CDC42EP3: variants seen among roughly 807,000 people sequenced by gnomAD.
CDC42EP3 encodes the protein CDC42 effector protein (Rho GTPase binding) 3.
CDC42EP3 carries 4 observed loss-of-function variants against 15.5 expected under a neutral mutation model. That is an observed-to-expected ratio of 0.26 (90% confidence interval 0.13 to 0.59). The LOEUF is 0.59. CDC42EP3 is among the 20% of genes least tolerant of loss of function. The pLI, the probability that CDC42EP3 is intolerant of heterozygous loss-of-function variation, is 0.89. For synonymous variants in CDC42EP3, 145 were observed against 130.3 expected, an observed-to-expected ratio of 1.11 and a Z score of -0.77; for missense variants, 309 against 311.2, an observed-to-expected ratio of 0.99 and a Z score of 0.05.
chr2:37,664,544 G>A (rs1288287139), intron 1 of CDC42EP3, among the ~76,000 whole-genome samples: 3 of 151,572 alleles, frequency 2.0e-5, no homozygotes, highest in African/African-American at 4.9e-5. Context: ...TCCCTCTAGA[G>A]AACCCTGACT....
chr2:37,663,105 T>C (rs934924752), intron 1 of CDC42EP3, among the ~76,000 whole-genome samples: 1 of 152,136 alleles, frequency 6.6e-6, no homozygotes, highest in African/African-American at 2.4e-5. Context: ...GCAGAGGTTG[T>C]AGTAAGCCAA....
chr2:37,651,979 T>G (rs7576237), intron 1 of CDC42EP3, among the ~76,000 whole-genome samples: 6 of 151,290 alleles, frequency 4.0e-5, no homozygotes, highest in Non-Finnish European at 7.4e-5. Context: ...ATAAAGACCA[T>G]CCTGGCTAAC....
At chr2:37,654,979 G>A (rs1351057862) in intron 1 of CDC42EP3, among the ~76,000 whole-genome samples, 4 of 152,212 alleles carry the variant, frequency 2.6e-5, no homozygotes, top group East Asian at 1.9e-4. Flanking sequence ...GCGGAAATCA[G>A]TGTAACCAGA....
chr2:37,652,296 G>A (rs1361982103), intron 1 of CDC42EP3, among the ~76,000 whole-genome samples: 2 of 151,988 alleles, frequency 1.3e-5, no homozygotes, highest in Non-Finnish European at 2.9e-5. Context: ...AGGGCTTTGC[G>A]TTCTGCCCAG....
At chr2:37,648,539 G>A (rs569819061) in intron 1 of CDC42EP3, among the ~76,000 whole-genome samples, 59 of 152,340 alleles carry the variant, frequency 3.9e-4, no homozygotes, top group African/African-American at 1.3e-3. Context: ...AACCCAGGCC[G>A]GAGAAGGCTG....
At chr2:37,664,101 G>C (rs1666176727) in intron 1 of CDC42EP3, among the ~76,000 whole-genome samples, 1 of 152,206 alleles carries the variant, frequency 6.6e-6, no homozygotes, top group Non-Finnish European at 1.5e-5. Flanking sequence ...GTGAACCTGG[G>C]AGGCGGAGCT....
intron 1 of CDC42EP3, among the ~76,000 whole-genome samples, chr2:37,665,928 C>A (rs373256235): frequency 1.3e-5 from 2 of 152,158 alleles, no homozygotes; most frequent in South Asian, 4.1e-4. Context: ...GGGATGAGAA[C>A]AAGAAAACCC....
At chr2:37,664,396 T>C (rs1666186429) in intron 1 of CDC42EP3, among the ~76,000 whole-genome samples, 1 of 152,200 alleles carries the variant, frequency 6.6e-6, no homozygotes, top group African/African-American at 2.4e-5. Context: ...TCCCTATTTT[T>C]GAGGTTTTGG....
chr2:37,669,811 G>T (rs900469558), intron 1 of CDC42EP3, among the ~76,000 whole-genome samples: 1 of 152,160 alleles, frequency 6.6e-6, no homozygotes, highest in South Asian at 2.1e-4. Flanking sequence ...GCATTCTTTG[G>T]GAGACTTTAT....
At chr2:37,672,706 G>T (rs915376365), upstream of CDC42EP3, among the ~76,000 whole-genome samples, 1 of 152,228 alleles carries the variant, frequency 6.6e-6, no homozygotes, top group South Asian at 2.1e-4. Context: ...GTCCCAGCCC[G>T]CATGGTCAGC....
At chr2:37,668,772 AG>A (rs1429115527) in intron 1 of CDC42EP3, among the ~76,000 whole-genome samples, 1 of 152,270 alleles carries the variant, frequency 6.6e-6, no homozygotes, top group Non-Finnish European at 1.5e-5. Context: ...GCTAGAAACA[AG>A]TAAGATAATC....
chr2:37,657,669 A>T (rs1665917779), intron 1 of CDC42EP3, among the ~76,000 whole-genome samples: 1 of 152,194 alleles, frequency 6.6e-6, no homozygotes, highest in Non-Finnish European at 1.5e-5. Flanking sequence ...TTATAGATAA[A>T]GTTTTATTAG....
chr2:37,666,120 G>A (rs918273440), intron 1 of CDC42EP3, among the ~76,000 whole-genome samples: 1 of 152,116 alleles, frequency 6.6e-6, no homozygotes, highest in Admixed American at 6.5e-5. Context: ...AACGCCTGTG[G>A]TTCTCTAACT....
At chr2:37,655,540 A>C (rs944670255) in intron 1 of CDC42EP3, among the ~76,000 whole-genome samples, 4 of 152,158 alleles carry the variant, frequency 2.6e-5, no homozygotes, top group Non-Finnish European at 5.9e-5. Flanking sequence ...CTCAATGTGG[A>C]CATAGAACTC....
At chr2:37,654,124 A>T (rs1665774691) in intron 1 of CDC42EP3, among the ~76,000 whole-genome samples, 1 of 152,154 alleles carries the variant, frequency 6.6e-6, no homozygotes, top group Non-Finnish European at 1.5e-5. Context: ...TGACTCGGCC[A>T]AGTACCCTCC....
chr2:37,672,541 G>T (rs867733190), upstream of CDC42EP3: 1 of 152,188 alleles, frequency 6.6e-6, no homozygotes, highest in Non-Finnish European at 1.5e-5. Context: ...CAGCGCCGCC[G>T]CCCGGCGCGC....
chr2:37,665,062 G>A (rs1666208827), intron 1 of CDC42EP3, among the ~76,000 whole-genome samples: 1 of 151,828 alleles, frequency 6.6e-6, no homozygotes, highest in African/African-American at 2.4e-5. Flanking sequence ...GGACCTAAAA[G>A]TTAGGCCTAT....
upstream of CDC42EP3, chr2:37,671,820 C>CGGGG (rs1553318878): frequency 2.7e-4 from 41 of 149,416 alleles, no homozygotes; most frequent in African/African-American, 9.2e-4. Flanking sequence ...GGCGCGCGCG[C>CGGGG]GGGGGGGGGT....
intron 1 of CDC42EP3, among the ~76,000 whole-genome samples, chr2:37,656,279 G>C (rs1372640462): frequency 3.9e-5 from 6 of 152,210 alleles, no homozygotes; most frequent in African/African-American, 1.4e-4. Context: ...AAATATATTT[G>C]TTGAATGATT....
Sources: gnomAD v4.1 joint callset for allele counts (sites outside exome capture counted in the v4.1 genomes callset) on GRCh38, gnomAD v4.1.1 for gene constraint, MANE v1.5 for transcripts, NCBI Gene and HGNC (gene_info 2026-07-23, HGNC 2026-07-21) for gene names.